Variants in SNRNP200 observed in about 807,000 individuals in gnomAD.
SNRNP200 encodes small nuclear ribonucleoprotein U5 subunit 200.
In SNRNP200, 66 loss-of-function variants were observed where a neutral mutation model predicts 255.2. The ratio of observed to expected loss-of-function variants is 0.26; its 90% CI spans 0.21 to 0.32. The LOEUF (loss-of-function observed/expected upper bound fraction) is 0.32. SNRNP200 is among the 10% of genes least tolerant of loss of function. The pLI is 1.00. For missense variants in SNRNP200, 1,585 were observed against 2,749.8 expected (o/e 0.58, Z 9.47); for synonymous variants, 939 against 1,027.8 (o/e 0.91, Z 1.65).
intron 1 of SNRNP200, 126 bp downstream of exon 1, chr2:96,305,267 C>A: frequency 7.8e-7 from 1 of 1,274,460 alleles, no homozygotes; most frequent in Non-Finnish European, 1.1e-6. Flanking sequence ...CCACCTTCAC[C>A]CCGATTCCAT....
chr2:96,293,961 AAG>A (rs904469275), intron 14 of SNRNP200, among the ~76,000 whole-genome samples: 2 of 152,204 alleles, frequency 1.3e-5, no homozygotes. Context: ...TGTTGTTAAA[AAG>A]GAGATTGTAT....
Position 96,284,501 on chromosome 2 carries a change from T to G in SNRNP200, c.4249A>C (p.Lys1417Gln). The change falls in exon 31 of 45, where the codon AAG (lysine) becomes CAG (glutamine). Residue 1417 changes from lysine to glutamine, a missense_variant. By Grantham distance (53) the Lys-to-Gln change is moderately conservative. Transcript: ENST00000323853. ...LLTGETSTDL[K>Q]LLGKGNIIIS... ...ATAATGTTCCCTTTGCCCAGCAGCT[T>G]CAGGTCTGTGCTGGTCTCGCCTGTC... is the stretch of plus-strand genomic sequence containing the variant. 6.2e-7 allele frequency: 1 copy of G among 1,614,164 alleles called. No individual in the cohort carries two copies. The highest frequency in any genetic ancestry group is 8.5e-7 in the Non-Finnish European group (1 of 1,180,008).
At chr2:96,298,149 T>C (rs1350410751) in intron 9 of SNRNP200, 135 bp downstream of exon 9, 3 of 1,246,356 alleles carry the variant, frequency 2.4e-6, no homozygotes, top group Admixed American at 3.4e-5. Flanking sequence ...CTAACCTGTA[T>C]GCACTGATAA....
chr2:96,287,077 G>A lies in SNRNP200; in HGVS notation c.3568C>T (p.Leu1190=). Reference sequence around the variant, plus strand: ...AGGGTGGAGCGTGTGATAGGCTGCAGGTGCACTGACAACTCCAACTTGGGA... The same window carrying A: ...AGGGTGGAGCGTGTGATAGGCTGCAAGTGCACTGACAACTCCAACTTGGGA... ...LFPKLELSVH[L]QPITRSTLKV... The change falls in exon 27 of 45, where the codon CTG becomes TTG. Residue 1190 remains leucine, a synonymous_variant. Coordinates refer to ENST00000323853, the MANE Select transcript of SNRNP200 (RefSeq NM_014014.5). The surrounding 1 kb of genome is among the most constrained non-coding windows in gnomAD (Gnocchi z 5.7). 6.2e-7 allele frequency: 1 copy of A among 1,614,116 alleles called. No individual in the cohort carries two copies. Among genetic ancestry groups the A allele is most frequent in the Non-Finnish European group, 8.5e-7 (1 of 1,179,956 alleles).
At position 96,278,114 on chromosome 2, in the gene SNRNP200, G is replaced by A; in HGVS notation, c.5610+123C>T. ...GGTTTGAGGGAGGTATGGAGCGGGA[G>A]GACATATGGCGGGGGTCGGGGGATG... On this transcript the variant is annotated intron_variant, in intron 39 of 44. Coordinates refer to ENST00000323853, the MANE Select transcript of SNRNP200 (RefSeq NM_014014.5). The surrounding 1 kb of genome is among the most constrained non-coding windows in gnomAD (Gnocchi z 6.9). 1.3e-6 allele frequency: 2 copies of A among 1,537,318 alleles called. No individual in the cohort carries two copies. The highest frequency in any genetic ancestry group is 9.0e-7 in the Non-Finnish European group (1 of 1,113,400).
rs1004930574 is a variant in SNRNP200, at chr2:96,281,437, G to A, written c.5024+377C>T. The A allele has an allele frequency of 8.3e-5, 25 of 301,474 alleles. 1 individual carries two copies. The highest frequency in any genetic ancestry group is 2.4e-3 in the Middle Eastern group (2 of 842). The allele number at this position is 301,474 out of a possible 1,614,324, so 18.7% of individuals were successfully genotyped here. A position where few individuals can be genotyped will look rare whatever the true frequency, so the allele number is the denominator to read the frequency against. ...GCCCGCCTCAGCCTCCCAAAGTGCT[G>A]GGATTACAGGCATGAGCCACTGCGC... On this transcript the variant is annotated intron_variant, in intron 35 of 44. Coordinates refer to ENST00000323853, the MANE Select transcript of SNRNP200 (RefSeq NM_014014.5).
Position 96,303,180 on chromosome 2 carries a change from G to A in SNRNP200, c.360C>T (p.Ile120=). Residue 120 remains isoleucine, a synonymous_variant, in exon 3 of 45, where the codon ATC becomes ATT. Coordinates refer to ENST00000323853, the MANE Select transcript of SNRNP200 (RefSeq NM_014014.5). Reference sequence around the variant, plus strand: ...TCACCTGGTCCCCAAGAGCAGCCTGGATGAAGCTGAGTAGCACCTCATAGG... The same window carrying A: ...TCACCTGGTCCCCAAGAGCAGCCTGAATGAAGCTGAGTAGCACCTCATAGG... The part of the protein sequence containing the change: ...RETYEVLLSF[I]QAALGDQPRD... 1.2e-6 allele frequency: 2 copies of A among 1,614,162 alleles called. No individual in the cohort carries two copies. Among genetic ancestry groups the A allele is most frequent in the Non-Finnish European group, 1.7e-6 (2 of 1,180,024 alleles).
At chr2:96,288,072 C>T (rs1573994412) in intron 24 of SNRNP200, 103 bp from the exon 25 acceptor site, 2 of 1,018,008 alleles carry the variant, frequency 2.0e-6, no homozygotes, top group Admixed American at 3.6e-5. Context: ...GACACAACCA[C>T]CCACCCTAAC....
rs766373694 is a variant in SNRNP200, at chr2:96,291,965, G to A, written c.2161-65C>T. 22 of 1,580,808 alleles carry A rather than the reference G, an allele frequency of 1.4e-5. No individual in the cohort carries two copies. The highest frequency in any genetic ancestry group is 1.9e-5 in the Non-Finnish European group (22 of 1,158,124). On this transcript the variant is annotated intron_variant, in intron 16 of 44. Transcript: ENST00000323853. The surrounding 1 kb of genome is among the most constrained non-coding windows in gnomAD (Gnocchi z 4.2). ...CACAGCCCCAGGGCACCTGCAGCAG[G>A]AAGCAGAAGTTGCACCATCACCACC...
rs932772874 is a variant in SNRNP200, at chr2:96,287,479, G to A, written c.3444C>T (p.Phe1148=). ...EVVKKIEKKN[F]PFERLYDLNH... is the part of the protein sequence containing the mutation. ...TCAGGTCGTACAGACGCTCAAAGGG[G>A]AAATTCTTCTTCTCAATCTTCTTCA... The change falls in exon 26 of 45, where the codon TTC becomes TTT. Residue 1148 remains phenylalanine, a synonymous_variant. Transcript: ENST00000323853. The surrounding 1 kb of genome is among the most constrained non-coding windows in gnomAD (Gnocchi z 5.7). The A allele has an allele frequency of 4.3e-6, 7 of 1,613,982 alleles. No individual in the cohort carries two copies. In the African/African-American group the frequency reaches 5.3e-5, roughly 12 times the overall value.
Position 96,299,563 on chromosome 2 carries a change from C to G in SNRNP200, c.631-136G>C, listed in dbSNP as rs567284685. The G allele has an allele frequency of 5.8e-5, 43 of 740,880 alleles. No individual in the cohort carries two copies. In the African/African-American group the frequency reaches 6.2e-4, roughly 11 times the overall value. The allele number at this position is 740,880 out of a possible 1,614,324, so 45.9% of individuals were successfully genotyped here. A position where few individuals can be genotyped will look rare whatever the true frequency, so the allele number is the denominator to read the frequency against. On this transcript the variant is annotated intron_variant, in intron 5 of 44. Transcript: ENST00000323853. ...GGGTGAAACCGAGAGCCTATTGGAA[C>G]CAAGGTCAGCCTTATTCCAGTGGAC... is the stretch of plus-strand genomic sequence containing the variant.
At chr2:96,297,557 AAC>A in intron 10 of SNRNP200, 21 bp from the exon 11 acceptor site, 2 of 1,614,166 alleles carry the variant, frequency 1.2e-6, no homozygotes, top group Non-Finnish European at 1.7e-6. Context: ...GAAAGACAAA[AAC>A]ACAAAGGAAG....
chr2:96,286,259 T>C lies in SNRNP200; in HGVS notation c.4003+52A>G. The C allele has an allele frequency of 6.3e-7, 1 of 1,584,854 alleles. No individual in the cohort carries two copies. The highest frequency in any genetic ancestry group is 8.7e-7 in the Non-Finnish European group (1 of 1,154,212). ...ACTCCCCTGCCTGCCACAGAGCACA[T>C]CTGTCTCCCGGTGACTTCAAAAGCC... is the stretch of plus-strand genomic sequence containing the variant. On this transcript the variant is annotated intron_variant, in intron 29 of 44. Transcript: ENST00000323853. This position sits in a 1 kb window ranked among gnomAD's most constrained non-coding sequence, Gnocchi z 4.8.
At chr2:96,299,486 C>A in intron 5 of SNRNP200, 59 bp from the exon 6 acceptor site, 1 of 1,407,352 alleles carries the variant, frequency 7.1e-7, no homozygotes, top group Non-Finnish European at 1.0e-6. Flanking sequence ...CACCACAGAA[C>A]CTCTCCCTCA....
Position 96,286,429 on chromosome 2 carries a change from G to A in SNRNP200, c.3885C>T (p.Tyr1295=). ...SFRHLILPEK[Y]PPPTELLDLQ... Reference sequence around the variant, plus strand: ...GGTCCAAAAGTTCGGTTGGAGGGGGGTACTTCTCCGGCAAGATCAGGTGCC... The same window carrying A: ...GGTCCAAAAGTTCGGTTGGAGGGGGATACTTCTCCGGCAAGATCAGGTGCC... Residue 1295 remains tyrosine, a synonymous_variant, in exon 29 of 45, where the codon TAC becomes TAT. Transcript: ENST00000323853. The surrounding 1 kb of genome is among the most constrained non-coding windows in gnomAD (Gnocchi z 4.8). 3 of 1,614,180 alleles carry A rather than the reference G, an allele frequency of 1.9e-6. No individual in the cohort carries two copies. Among genetic ancestry groups the A allele is most frequent in the Non-Finnish European group, 1.7e-6 (2 of 1,180,034 alleles).
chr2:96,297,832 TC>T, intron 9 of SNRNP200, 112 bp from the exon 10 acceptor site: 1 of 1,119,574 alleles, frequency 8.9e-7, no homozygotes, highest in South Asian at 1.3e-5. Flanking sequence ...GACTAGTAAG[TC>T]GTGAAACAGA....
At position 96,291,793 on chromosome 2, in the gene SNRNP200, T is replaced by C. The variant is rs370694903; in HGVS notation, c.2268A>G (p.Ser756=). Residue 756 remains serine, a synonymous_variant, in exon 17 of 45, where the codon TCA becomes TCG. Transcript: ENST00000323853. This position sits in a 1 kb window ranked among gnomAD's most constrained non-coding sequence, Gnocchi z 4.2. Reference sequence around the variant, plus strand: ...CTGTTCGCAGGACTTCTGTGGAGGCTGAGCCCTCCCTCAGAAACAGACCCA... The same window carrying C: ...CTGTTCGCAGGACTTCTGTGGAGGCCGAGCCCTCCCTCAGAAACAGACCCA... ...DTLGLFLREG[S]ASTEVLRTEA... 3.1e-6 allele frequency: 5 copies of C among 1,614,102 alleles called. No homozygotes were observed. The highest frequency in any genetic ancestry group is 4.2e-6 in the Non-Finnish European group (5 of 1,180,048).
intron 2 of SNRNP200, 68 bp from the exon 3 acceptor site, chr2:96,303,398 C>T: frequency 6.4e-7 from 1 of 1,562,064 alleles, no homozygotes. Context: ...TGGATCAAGC[C>T]CACCCTCCTC....
intron 23 of SNRNP200, 70 bp downstream of exon 23, chr2:96,288,967 T>G: frequency 7.0e-7 from 1 of 1,431,298 alleles, no homozygotes; most frequent in Admixed American, 2.0e-5. Context: ...AATTCAAGGT[T>G]CATCTTTTAG....
Sources: allele counts gnomAD v4.1 joint callset (sites outside exome capture counted in the v4.1 genomes callset), GRCh38; gene constraint gnomAD v4.1.1; non-coding constraint Gnocchi (gnomAD v3.1); transcripts MANE v1.5; gene names NCBI Gene and HGNC (gene_info 2026-07-23, HGNC 2026-07-21).